The following ANKMY1 variants were observed in gnomAD, a reference collection of about 807,000 sequenced individuals.
ANKMY1 encodes the protein ankyrin repeat and MYND domain-containing protein 1.
ANKMY1 carries 98 observed loss-of-function variants against 102.0 expected under a neutral mutation model. The ratio of observed to expected loss-of-function variants is 0.96; its 90% CI spans 0.82 to 1.14. ANKMY1 has a LOEUF of 1.14. ANKMY1 is among the 50% of genes most tolerant of loss of function. The probability of loss-of-function intolerance (pLI) is 0.00; values close to 1 mark genes in which losing one functional copy is unlikely to be tolerated. For synonymous variants in ANKMY1, 582 were observed against 559.9 expected, an observed-to-expected ratio of 1.04 and a Z score of -0.56; for missense variants, 1,330 against 1,347.6, an observed-to-expected ratio of 0.99 and a Z score of 0.20.
chr2:240,548,473 T>C (rs1199850197), intron 4 of ANKMY1, among the ~76,000 whole-genome samples: 2 of 152,142 alleles, frequency 1.3e-5, no homozygotes, highest in African/African-American at 4.8e-5. Flanking sequence ...ATGCCCTCTC[T>C]CACCACTCCT....
At chr2:240,532,420 C>T (rs183778181) in intron 4 of ANKMY1, among the ~76,000 whole-genome samples, 4 of 152,254 alleles carry the variant, frequency 2.6e-5, no homozygotes, top group African/African-American at 9.6e-5. Context: ...GGGTATTCTT[C>T]AGGCAGAAAG....
At chr2:240,490,107 C>T (rs1559237554) in intron 15 of ANKMY1, among the ~76,000 whole-genome samples, 2 of 151,572 alleles carry the variant, frequency 1.3e-5, no homozygotes, top group African/African-American at 4.8e-5. Flanking sequence ...TTTTCCATTT[C>T]TGATTTTATT....
At chr2:240,547,271 A>G (rs1426427085) in intron 4 of ANKMY1, among the ~76,000 whole-genome samples, 2 of 152,254 alleles carry the variant, frequency 1.3e-5, no homozygotes, top group Non-Finnish European at 2.9e-5. Context: ...TACTGGGTAC[A>G]TAACGAAATG....
At chr2:240,559,110 G>A (rs951628224), upstream of ANKMY1, among the ~76,000 whole-genome samples, 15 of 152,296 alleles carry the variant, frequency 9.8e-5, no homozygotes, top group African/African-American at 2.6e-4. Flanking sequence ...ACCAAGTCCA[G>A]GAGACAGAGG....
At chr2:240,492,343 C>T (rs2076747324) in intron 15 of ANKMY1, among the ~76,000 whole-genome samples, 1 of 152,174 alleles carries the variant, frequency 6.6e-6, no homozygotes, top group African/African-American at 2.4e-5. Flanking sequence ...CTTAAGGATA[C>T]CAATAATTTG....
upstream of ANKMY1, among the ~76,000 whole-genome samples, chr2:240,559,117 G>A (rs2092717939): frequency 6.6e-6 from 1 of 152,196 alleles, no homozygotes; most frequent in African/African-American, 2.4e-5. Context: ...CCAGGAGACA[G>A]AGGCTGGCCC....
rs192956201 is a variant in ANKMY1, at chr2:240,550,924, T to G, written c.480+1990A>C. 7.2e-3 allele frequency among the ~76,000 whole-genome samples: 1,103 copies of G among 152,328 alleles called. 8 individuals carry two copies. Among genetic ancestry groups the G allele is most frequent in the South Asian group, 0.011 (53 of 4,824 alleles). On this transcript the variant is annotated intron_variant, in intron 4 of 17. Transcript: ENST00000401804. ...TTTGATCTTTCTCAAAAAAAGTGAC[T>G]TGTAATCAGCTACCGTCCAGGGCTT...
upstream of ANKMY1, chr2:240,560,362 C>G (rs975758395): frequency 7.6e-5 from 18 of 236,090 alleles, no homozygotes; most frequent in Admixed American, 1.7e-4. Flanking sequence ...GAGCCACAGA[C>G]GCAAGCCCAG....
chr2:240,501,002 G>C (rs2078085885), intron 13 of ANKMY1, among the ~76,000 whole-genome samples: 1 of 152,216 alleles, frequency 6.6e-6, no homozygotes, highest in African/African-American at 2.4e-5. Context: ...GCGTATGCTT[G>C]TATGTAGATG....
At chr2:240,526,703 G>C in intron 5 of ANKMY1, 1 of 1,393,644 alleles carries the variant, frequency 7.2e-7, no homozygotes, top group Admixed American at 3.0e-5. Flanking sequence ...GGAATGTGCT[G>C]GCTGCGAGTA....
chr2:240,525,268 G>C (rs2083124194), intron 7 of ANKMY1, among the ~76,000 whole-genome samples: 1 of 152,236 alleles, frequency 6.6e-6, no homozygotes, highest in African/African-American at 2.4e-5. Context: ...TGGCATCTCA[G>C]TGATTGGCTT....
In ANKMY1 at chr2:240,529,017, A is replaced by G. The variant is rs760711017; in HGVS notation, c.953+20T>C. On this transcript the variant is annotated intron_variant, in intron 5 of 17. Transcript: ENST00000401804. This position sits in a 1 kb window ranked among gnomAD's most constrained non-coding sequence, Gnocchi z 4.2. ...GCACAGTGCACGGCCCTAGGGGAGG[A>G]GCAGTAGCAGACTAGTCACCTGAAC... 6.2e-7 allele frequency: 1 copy of G among 1,609,752 alleles called. No individual in the cohort carries two copies. The highest frequency in any genetic ancestry group is 1.1e-5 in the South Asian group (1 of 90,864).
intron 4 of ANKMY1, among the ~76,000 whole-genome samples, chr2:240,533,264 T>A (rs1013047135): frequency 2.0e-5 from 3 of 151,800 alleles, no homozygotes; most frequent in Admixed American, 1.3e-4. Context: ...CAAATGAAGA[T>A]GAGAAAAAAG....
rs2075094723 is a variant in ANKMY1 at position 240,479,551 on chromosome 2, G to A, written c.*58C>T. ...AAGATTCCCTGAGGTGGCTCAGGCAGGTAAGAAACCCACACAGTCCTGGGT... is the reference window on the plus strand; with the variant it reads ...AAGATTCCCTGAGGTGGCTCAGGCAAGTAAGAAACCCACACAGTCCTGGGT... On this transcript the variant is annotated 3_prime_UTR_variant, in exon 18 of 18. Transcript: ENST00000401804. 2.5e-6 allele frequency: 4 copies of A among 1,589,004 alleles called. No homozygotes were observed. The African/African-American group carries it at 5.4e-5, about 21-fold the overall frequency.
intron 10 of ANKMY1, 27 bp downstream of exon 10, chr2:240,512,775 C>T (rs745979162): frequency 6.2e-7 from 1 of 1,603,268 alleles, no homozygotes; most frequent in African/African-American, 1.3e-5. Context: ...AGGCCCCATA[C>T]CCCTATCCAG....
At chr2:240,471,647 G>C in the ANKMY1 span, among the ~76,000 whole-genome samples, 7 of 152,244 alleles carry the variant, frequency 4.6e-5, no homozygotes, top group African/African-American at 1.4e-4. Context: ...GGCAGAACAG[G>C]GGACCCCCTG....
intron 4 of ANKMY1, among the ~76,000 whole-genome samples, chr2:240,539,318 G>A (rs985050623): frequency 9.3e-5 from 14 of 150,288 alleles, no homozygotes; most frequent in African/African-American, 2.7e-4. Flanking sequence ...GAACAACTCC[G>A]GACCGGAGGA....
At chr2:240,469,852 C>T in the ANKMY1 span, among the ~76,000 whole-genome samples, 1 of 152,116 alleles carries the variant, frequency 6.6e-6, no homozygotes, top group Non-Finnish European at 1.5e-5. Context: ...GTACAATGCC[C>T]TGTGCATACA....
intron 2 of ANKMY1, chr2:240,555,644 C>T (rs945135127): frequency 1.9e-5 from 3 of 154,128 alleles, no homozygotes; most frequent in African/African-American, 7.3e-5. Flanking sequence ...AGGGCGTCCA[C>T]AGACAGACAG....
Sources: gnomAD v4.1 joint callset for allele counts (sites outside exome capture counted in the v4.1 genomes callset) on GRCh38, gnomAD v4.1.1 for gene constraint, Gnocchi (gnomAD v3.1) non-coding constraint, MANE v1.5 for transcripts, NCBI Gene and HGNC (gene_info 2026-07-23, HGNC 2026-07-21) for gene names.